The following TSPAN4 variants were observed in gnomAD, a reference collection of about 807,000 sequenced individuals.
TSPAN4 encodes tetraspanin-4.
Under a neutral mutation model 31.5 loss-of-function variants are expected in TSPAN4, and 38 were observed. The ratio of observed to expected loss-of-function variants is 1.21; its 90% confidence interval spans 0.93 to 1.58. The LOEUF (loss-of-function observed/expected upper bound fraction) is 1.58. Ranked by LOEUF, TSPAN4 falls within the 40% of genes most tolerant of loss-of-function variation. The probability of loss-of-function intolerance (pLI) is 0.00; values close to 1 mark genes in which losing one functional copy is unlikely to be tolerated. For missense variants in TSPAN4, 330 were observed against 317.3 expected (o/e 1.04, Z -0.30); for synonymous variants, 186 against 144.6 (o/e 1.29, Z -2.06).
At position 848,857 on chromosome 11, in the gene TSPAN4, A is replaced by G. The variant is rs990666632; in HGVS notation, c.-17-1431A>G. On this transcript the variant is annotated intron_variant, in intron 2 of 8. Coordinates refer to ENST00000397397, the MANE Select transcript of TSPAN4 (RefSeq NM_003271.5). The surrounding 1 kb of genome is among the most constrained non-coding windows in gnomAD (Gnocchi z 5.7). ...GGCACAGCTGGGGGCCTCTGTCCCC[A>G]TCTCCGGCTGTGGGAGGTGTGTGCG... 4 of 693,934 alleles carry G rather than the reference A, an allele frequency of 5.8e-6. No homozygotes were observed. Among genetic ancestry groups the G allele is most frequent in the East Asian group, 2.7e-5 (1 of 36,782 alleles). The allele number at this position is 693,934 out of a possible 1,614,324, so 43.0% of individuals were successfully genotyped here.
In TSPAN4 at chr11:848,887, C is replaced by T. The variant is rs1426052262; in HGVS notation, c.-17-1401C>T. On this transcript the variant is annotated intron_variant, in intron 2 of 8. Coordinates refer to ENST00000397397, the MANE Select transcript of TSPAN4 (RefSeq NM_003271.5). This position sits in a 1 kb window ranked among gnomAD's most constrained non-coding sequence, Gnocchi z 5.7. ...CGGCTGTGGGAGGTGTGTGCGCATC[C>T]GGCGTGATGACACCCAGGAGTGCAG... 1.3e-5 allele frequency: 9 copies of T among 711,592 alleles called. No individual in the cohort carries two copies. The highest frequency in any genetic ancestry group is 2.0e-5 in the Admixed American group (1 of 49,224). 44.1% of individuals were successfully genotyped at this position (711,592 alleles called of 1,614,324 possible).
rs1848742479 is a variant in TSPAN4, at chr11:865,721, A to G, written c.460A>G (p.Thr154Ala). Residue 154 changes from threonine to alanine, a missense_variant, in exon 7 of 9, where the codon ACT becomes GCT. By Grantham distance (58) the Thr-to-Ala change is moderately conservative (BLOSUM62 0). Transcript: ENST00000397397. ...DFRCCGVSNY[T>A]DWFEVYNATR... ...CCGCTGCTGTGGCGTCTCCAACTACACTGACTGGTTCGAGGTGTACAACGC... is the reference window on the plus strand; with the variant it reads ...CCGCTGCTGTGGCGTCTCCAACTACGCTGACTGGTTCGAGGTGTACAACGC... 6.2e-7 allele frequency: 1 copy of G among 1,613,162 alleles called. No individual in the cohort carries two copies. The highest frequency in any genetic ancestry group is 2.2e-5 in the East Asian group (1 of 44,828).
chr11:850,152 G>A (rs1220238207), intron 2 of TSPAN4, 136 bp from the exon 3 acceptor site: 4 of 644,182 alleles, frequency 6.2e-6, no homozygotes, highest in East Asian at 6.2e-5. Context: ...GCGCGCGGGC[G>A]GCGGGGACGC....
At chr11:852,326 G>A (rs1224441006) in intron 3 of TSPAN4, among the ~76,000 whole-genome samples, 6 of 152,166 alleles carry the variant, frequency 3.9e-5, no homozygotes, top group South Asian at 4.1e-4. Flanking sequence ...GTTTCACCAT[G>A]TTGGTCAGGT....
At chr11:845,195 C>G (rs1209474660) in intron 1 of TSPAN4, among the ~76,000 whole-genome samples, 2 of 152,212 alleles carry the variant, frequency 1.3e-5, no homozygotes, top group Admixed American at 1.3e-4. Flanking sequence ...CTGTCCATGC[C>G]TGGGACAGAT....
At chr11:862,399 G>A (rs989840877) in intron 3 of TSPAN4, 151 bp from the exon 4 acceptor site, 10 of 672,134 alleles carry the variant, frequency 1.5e-5, no homozygotes, top group African/African-American at 1.5e-4. Flanking sequence ...ACCCCCCCGG[G>A]CTGCCGTGGG....
At chr11:861,237 A>T (rs993870354) in intron 3 of TSPAN4, among the ~76,000 whole-genome samples, 18 of 152,248 alleles carry the variant, frequency 1.2e-4, no homozygotes, top group African/African-American at 4.3e-4. Context: ...GGTTACAGAC[A>T]CTGCAGGAGG....
chr11:847,745 C>G (rs922402566), intron 2 of TSPAN4, among the ~76,000 whole-genome samples: 2 of 151,924 alleles, frequency 1.3e-5, no homozygotes, highest in Non-Finnish European at 2.9e-5. Context: ...TGGGAGGGGT[C>G]TTAGGGGACA....
chr11:851,867 CCCT>C (rs1410873487), intron 3 of TSPAN4, among the ~76,000 whole-genome samples: 1 of 152,092 alleles, frequency 6.6e-6, no homozygotes, highest in African/African-American at 2.4e-5. Flanking sequence ...CTCCTCTCCA[CCCT>C]CCTCCTGTCC....
At chr11:846,951 G>C (rs1451094057) in intron 1 of TSPAN4, among the ~76,000 whole-genome samples, 2 of 152,200 alleles carry the variant, frequency 1.3e-5, no homozygotes, top group Admixed American at 1.3e-4. Context: ...CTGCCTGGCT[G>C]TCTCAGAGCC....
chr11:847,553 G>A (rs978507483), intron 2 of TSPAN4, among the ~76,000 whole-genome samples: 2 of 152,084 alleles, frequency 1.3e-5, no homozygotes, highest in Admixed American at 1.3e-4. Flanking sequence ...ACTGCGTCTG[G>A]GCAACCCAGT....
chr11:853,410 C>T (rs981828652), intron 3 of TSPAN4, among the ~76,000 whole-genome samples: 1 of 152,192 alleles, frequency 6.6e-6, no homozygotes, highest in African/African-American at 2.4e-5. Flanking sequence ...CCCCTGGTCA[C>T]TGACGGCCTG....
intron 3 of TSPAN4, among the ~76,000 whole-genome samples, chr11:854,277 G>A (rs1847921224): frequency 1.3e-5 from 2 of 152,206 alleles, no homozygotes; most frequent in South Asian, 4.1e-4. Context: ...CTTGGTGGAA[G>A]CTCCGGCCGT....
chr11:851,034 C>T (rs373635669), intron 3 of TSPAN4, among the ~76,000 whole-genome samples: 4 of 152,258 alleles, frequency 2.6e-5, no homozygotes, highest in African/African-American at 7.2e-5. Flanking sequence ...TGTGCTCAGA[C>T]CTGCAGTGGT....
At position 865,250 on chromosome 11, in the gene TSPAN4, G is replaced by A. The variant is rs1262286545; in HGVS notation, c.331-263G>A. 4 of 511,572 alleles carry A rather than the reference G, an allele frequency of 7.8e-6. No homozygotes were observed. The East Asian group carries it at 1.0e-4, about 13-fold the overall frequency. 31.7% of individuals were successfully genotyped at this position (511,572 alleles called of 1,614,324 possible). A position where few individuals can be genotyped will look rare whatever the true frequency, so the allele number is the denominator to read the frequency against. On this transcript the variant is annotated intron_variant, in intron 5 of 8. Coordinates refer to ENST00000397397, the MANE Select transcript of TSPAN4 (RefSeq NM_003271.5). ...GGCTGCACGTGTCCCGATACGTGGA[G>A]GCACCTGTGTCCCTGTCCTCTGTCC...
chr11:851,843 AG>A (rs1196230530), intron 3 of TSPAN4, among the ~76,000 whole-genome samples: 1 of 151,786 alleles, frequency 6.6e-6, no homozygotes, highest in Admixed American at 6.6e-5. Context: ...AGGTCCTGGG[AG>A]GGGAAGCCCT....
rs1244824973 is a variant in TSPAN4 at position 848,750 on chromosome 11, C to T, written c.-18+1450C>T. 7.7e-6 allele frequency: 4 copies of T among 517,150 alleles called. No homozygotes were observed. Among genetic ancestry groups the T allele is most frequent in the African/African-American group, 2.0e-5 (1 of 51,020 alleles). The allele number at this position is 517,150 out of a possible 1,614,324, so 32.0% of individuals were successfully genotyped here. A position where few individuals can be genotyped will look rare whatever the true frequency, so the allele number is the denominator to read the frequency against. On this transcript the variant is annotated intron_variant, in intron 2 of 8. Coordinates refer to ENST00000397397, the MANE Select transcript of TSPAN4 (RefSeq NM_003271.5). This position sits in a 1 kb window ranked among gnomAD's most constrained non-coding sequence, Gnocchi z 5.7. ...GGTCATCTGCCAGGAATCTGGGCCACGTGCTGATATCTTCCCAACACCGCA... is the reference window on the plus strand; with the variant it reads ...GGTCATCTGCCAGGAATCTGGGCCATGTGCTGATATCTTCCCAACACCGCA...
intron 1 of TSPAN4, chr11:843,281 C>G (rs1279401053): frequency 2.0e-5 from 3 of 152,348 alleles, no homozygotes; most frequent in Non-Finnish European, 4.4e-5. Flanking sequence ...GCTCCCCGCC[C>G]CGGGCTCCTG....
At chr11:850,879 G>A (rs1246615322) in intron 3 of TSPAN4, among the ~76,000 whole-genome samples, 2 of 149,352 alleles carry the variant, frequency 1.3e-5, no homozygotes, top group African/African-American at 2.6e-5. Flanking sequence ...CTGCCGCCAA[G>A]GTCCCCCAGT....
Sources: allele counts gnomAD v4.1 joint callset (sites outside exome capture counted in the v4.1 genomes callset), GRCh38; gene constraint gnomAD v4.1.1; non-coding constraint Gnocchi (gnomAD v3.1); transcripts MANE v1.5; gene names NCBI Gene and HGNC (gene_info 2026-07-23, HGNC 2026-07-21).